The following PIK3C2A variants were observed in gnomAD, a reference collection of about 807,000 sequenced individuals.
The protein encoded by PIK3C2A is phosphatidylinositol 4-phosphate 3-kinase C2 domain-containing subunit alpha.
Under a neutral mutation model 204.5 loss-of-function variants are expected in PIK3C2A, and 97 were observed. The observed-to-expected ratio is 0.47, with a 90% CI of 0.40 to 0.56. PIK3C2A has a LOEUF of 0.56. Among genes scored for constraint, PIK3C2A ranks in the 20% least tolerant of loss-of-function variants. PIK3C2A has a pLI of 0.00. For synonymous variants in PIK3C2A, 653 were observed against 664.4 expected, an observed-to-expected ratio of 0.98 and a Z score of 0.26; for missense variants, 1,735 against 1,969.2, an observed-to-expected ratio of 0.88 and a Z score of 2.25.
intron 8 of PIK3C2A, among the ~76,000 whole-genome samples, chr11:17,139,002 G>A (rs1849966668): frequency 6.6e-6 from 1 of 151,910 alleles, no homozygotes; most frequent in Non-Finnish European, 1.5e-5. Flanking sequence ...CCGCCTCCCA[G>A]GTTCAAGCGT....
chr11:17,165,657 C>A (rs1249856911), intron 2 of PIK3C2A, among the ~76,000 whole-genome samples: 1 of 151,838 alleles, frequency 6.6e-6, no homozygotes, highest in Admixed American at 6.6e-5. Flanking sequence ...TGACTGTAAT[C>A]CCAGCTACTC....
At chr11:17,159,257 G>T (rs1257252138) in intron 2 of PIK3C2A, among the ~76,000 whole-genome samples, 1 of 152,128 alleles carries the variant, frequency 6.6e-6, no homozygotes, top group Non-Finnish European at 1.5e-5. Flanking sequence ...CTTTAATGGT[G>T]AAGTCCACAA....
intron 2 of PIK3C2A, among the ~76,000 whole-genome samples, chr11:17,156,888 C>T (rs1205730948): frequency 6.6e-6 from 1 of 151,940 alleles, no homozygotes; most frequent in Admixed American, 6.6e-5. Context: ...ACTTGTAGTC[C>T]CAGGTACCCA....
chr11:17,205,588 C>T (rs1223301299), intron 1 of PIK3C2A, among the ~76,000 whole-genome samples: 1 of 151,580 alleles, frequency 6.6e-6, no homozygotes. Flanking sequence ...TCTGAGTTCT[C>T]AGGAAATTCA....
intron 2 of PIK3C2A, among the ~76,000 whole-genome samples, chr11:17,161,444 T>G (rs1234653186): frequency 6.6e-6 from 1 of 152,214 alleles, no homozygotes; most frequent in Non-Finnish European, 1.5e-5. Context: ...AGAAAGAGTT[T>G]ACAACCAAAG....
At chr11:17,190,665 GT>G (rs1396958573) in intron 1 of PIK3C2A, among the ~76,000 whole-genome samples, 3 of 151,730 alleles carry the variant, frequency 2.0e-5, no homozygotes, top group Non-Finnish European at 4.4e-5. Context: ...TTTCAGCATA[GT>G]AACAGGAACT....
intron 2 of PIK3C2A, among the ~76,000 whole-genome samples, chr11:17,157,415 G>A (rs149348813): frequency 1.4e-5 from 2 of 144,998 alleles, no homozygotes; most frequent in Admixed American, 7.2e-5. Flanking sequence ...AGCTGAGATC[G>A]TGCCACTGCA....
chr11:17,145,452 A>G (rs6486350), intron 8 of PIK3C2A, among the ~76,000 whole-genome samples: 137,607 of 152,140 alleles, frequency 0.9, 63,457 homozygotes, highest in Non-Finnish European at 1. Context: ...TTGCTGCCCT[A>G]TGAAGAGGTG....
chr11:17,153,399 C>T (rs1010270691), intron 3 of PIK3C2A, among the ~76,000 whole-genome samples: 1 of 149,452 alleles, frequency 6.7e-6, no homozygotes, highest in Non-Finnish European at 1.5e-5. Flanking sequence ...CGCACCACTG[C>T]ATTCCACCCT....
intron 11 of PIK3C2A, among the ~76,000 whole-genome samples, chr11:17,133,821 G>T (rs1265676185): frequency 6.6e-6 from 1 of 151,868 alleles, no homozygotes; most frequent in African/African-American, 2.4e-5. Flanking sequence ...CTAGCTACTG[G>T]GGAGGCTGAG....
At chr11:17,166,813 C>T (rs943701400) in intron 2 of PIK3C2A, among the ~76,000 whole-genome samples, 1 of 152,170 alleles carries the variant, frequency 6.6e-6, no homozygotes, top group Admixed American at 6.5e-5. Flanking sequence ...TGACTCCAGG[C>T]ACTAAACACA....
At chr11:17,092,854 T>C (rs1848348504) in intron 28 of PIK3C2A, among the ~76,000 whole-genome samples, 1 of 152,202 alleles carries the variant, frequency 6.6e-6, no homozygotes. Flanking sequence ...AAAAACGCAA[T>C]TACTTTTGTA....
At chr11:17,135,931 T>A (rs1487517303) in intron 9 of PIK3C2A, among the ~76,000 whole-genome samples, 1 of 152,142 alleles carries the variant, frequency 6.6e-6, no homozygotes, top group African/African-American at 2.4e-5. Flanking sequence ...AAGATATAAA[T>A]GTCTCTATGA....
intron 1 of PIK3C2A, among the ~76,000 whole-genome samples, chr11:17,186,184 TTCAAG>T (rs1169249824): frequency 1.6e-4 from 25 of 152,268 alleles, no homozygotes; most frequent in African/African-American, 6.0e-4. Flanking sequence ...CCTCGCTTCC[TTCAAG>T]TCTTCATTGA....
intron 2 of PIK3C2A, among the ~76,000 whole-genome samples, chr11:17,164,136 C>T (rs981855516): frequency 1.1e-4 from 17 of 152,068 alleles, no homozygotes; most frequent in Admixed American, 7.9e-4. Flanking sequence ...CTTTTCAAGA[C>T]ATACTCTAGG....
Position 17,112,555 on chromosome 11 carries a change from A to G in PIK3C2A, c.3414+19T>C, listed in dbSNP as rs753695503. 8.3e-7 allele frequency: 1 copy of G among 1,199,764 alleles called. No homozygotes were observed. Among genetic ancestry groups the G allele is most frequent in the Non-Finnish European group, 1.2e-6 (1 of 841,780 alleles). 74.3% of individuals were successfully genotyped at this position (1,199,764 alleles called of 1,614,324 possible). ...AATTTCTAAATTGCCATTAAAAAACAGTAACATTATTTACTCACCTTAAAC... is the reference window on the plus strand; with the variant it reads ...AATTTCTAAATTGCCATTAAAAAACGGTAACATTATTTACTCACCTTAAAC... On this transcript the variant is annotated intron_variant, in intron 21 of 32. Coordinates refer to ENST00000691414, the MANE Select transcript of PIK3C2A (RefSeq NM_002645.4).
At chr11:17,204,077 G>GAA (rs879651411) in intron 1 of PIK3C2A, among the ~76,000 whole-genome samples, 5 of 117,914 alleles carry the variant, frequency 4.2e-5, no homozygotes, top group Admixed American at 8.6e-5. Flanking sequence ...CCGTCTCAAA[G>GAA]AAAAAAAAAA....
intron 2 of PIK3C2A, among the ~76,000 whole-genome samples, chr11:17,167,987 G>C (rs1851025876): frequency 6.6e-6 from 1 of 151,466 alleles, no homozygotes; most frequent in Non-Finnish European, 1.5e-5. Context: ...TTCTATAATG[G>C]GGCTAAAAAC....
chr11:17,147,656 T>C, intron 5 of PIK3C2A, 28 bp from the exon 6 acceptor site: 1 of 1,189,932 alleles, frequency 8.4e-7, no homozygotes, highest in Admixed American at 1.8e-5. Flanking sequence ...TTATTCACTA[T>C]TCTATTCAAA....
Sources: allele counts gnomAD v4.1 joint callset (sites outside exome capture counted in the v4.1 genomes callset), GRCh38; gene constraint gnomAD v4.1.1; transcripts MANE v1.5; gene names NCBI Gene and HGNC (gene_info 2026-07-23, HGNC 2026-07-21).